The following SEL1L variants were observed in gnomAD, a reference collection of about 807,000 sequenced individuals.
The protein encoded by SEL1L is protein sel-1 homolog 1.
Under a neutral mutation model 109.8 loss-of-function variants are expected in SEL1L, and 52 were observed. The ratio of observed to expected loss-of-function variants is 0.47; its 90% CI spans 0.38 to 0.60. SEL1L has a LOEUF of 0.60. Among genes scored for constraint, SEL1L ranks in the 20% least tolerant of loss-of-function variants. The pLI is 0.00. For missense variants in SEL1L, 749 were observed against 962.2 expected (o/e 0.78, Z 2.93); for synonymous variants, 373 against 339.6 (o/e 1.10, Z -1.08).
At chr14:81,502,322 T>C (rs1884049075) in intron 6 of SEL1L, among the ~76,000 whole-genome samples, 1 of 152,186 alleles carries the variant, frequency 6.6e-6, no homozygotes, top group South Asian at 2.1e-4. Context: ...ATTTCTAGTT[T>C]CCTATAATGG....
rs2139969199 is a variant in SEL1L at position 81,472,645 on chromosome 14, C to G, written c.*4327G>C. ...ATATTATAATCAGGCTAAAGTGAAT[C>G]ACGCTTACTACATATCAAGGCTGCT... On this transcript the variant is annotated 3_prime_UTR_variant, in exon 21 of 21. Transcript: ENST00000336735. The G allele has an allele frequency of 2.3e-6, 1 of 437,630 alleles. No homozygotes were observed. Among genetic ancestry groups the G allele is most frequent in the South Asian group, 1.7e-5 (1 of 60,496 alleles). 27.1% of individuals were successfully genotyped at this position (437,630 alleles called of 1,614,324 possible).
At chr14:81,517,795 T>C (rs1181404080) in intron 3 of SEL1L, among the ~76,000 whole-genome samples, 3 of 152,216 alleles carry the variant, frequency 2.0e-5, no homozygotes, top group African/African-American at 7.2e-5. Context: ...AAAAAATGTT[T>C]AGTGGGACAC....
chr14:81,496,441 G>C (rs1883753339), intron 10 of SEL1L, among the ~76,000 whole-genome samples: 1 of 152,120 alleles, frequency 6.6e-6, no homozygotes, highest in Non-Finnish European at 1.5e-5. Flanking sequence ...GGGAGATACA[G>C]TAAGAAATAA....
chr14:81,533,349 G>A (rs999000978), intron 1 of SEL1L, among the ~76,000 whole-genome samples: 1 of 152,160 alleles, frequency 6.6e-6, no homozygotes, highest in African/African-American at 2.4e-5. Context: ...CTCTACCCCA[G>A]GGTCGAGGAA....
In SEL1L at chr14:81,477,303, A is replaced by ATGTGTGTGTGTGTGTGTGTG. The variant is rs10690579; in HGVS notation, c.2176-142_2176-123dup. 5.2e-5 allele frequency: 28 copies of ATGTGTGTGTGTGTGTGTGTG among 541,492 alleles called. 2 individuals carry two copies. The highest frequency in any genetic ancestry group is 1.2e-4 in the South Asian group (5 of 41,400). 33.5% of individuals were successfully genotyped at this position (541,492 alleles called of 1,614,324 possible). On this transcript the variant is annotated intron_variant, in intron 20 of 20. Transcript: ENST00000336735. ...TAATTTGTTTTAAAAACGTTTTGCA[A>ATGTGTGTGTGTGTGTGTGTG]TGTGTGTGTGTGTGTGTGTGTGTGT...
chr14:81,510,765 T>C (rs918741030), intron 3 of SEL1L, among the ~76,000 whole-genome samples: 5 of 152,138 alleles, frequency 3.3e-5, no homozygotes, highest in African/African-American at 1.2e-4. Context: ...GAGTACTAAG[T>C]AGCATATGAA....
At chr14:81,477,209 A>G in intron 20 of SEL1L, 28 bp from the exon 21 acceptor site, 1 of 1,552,586 alleles carries the variant, frequency 6.4e-7, no homozygotes. Flanking sequence ...AGAAACCATT[A>G]TTATCACTAA....
At chr14:81,477,302 A>ACT in intron 20 of SEL1L, 121 bp from the exon 21 acceptor site, 2 of 403,986 alleles carry the variant, frequency 5.0e-6, no homozygotes, top group African/African-American at 3.0e-5. Context: ...AACGTTTTGC[A>ACT]ATGTGTGTGT....
At chr14:81,531,757 G>C (rs1446397187) in intron 1 of SEL1L, among the ~76,000 whole-genome samples, 2 of 152,062 alleles carry the variant, frequency 1.3e-5, no homozygotes, top group Non-Finnish European at 2.9e-5. Context: ...TGCCCAGGTT[G>C]GTCTTGAACT....
chr14:81,475,958 G>C lies in SEL1L; in HGVS notation c.*1014C>G, dbSNP rs1438452559. 6.6e-6 allele frequency: 1 copy of C among 152,168 alleles called. No individual in the cohort carries two copies. The highest frequency in any genetic ancestry group is 1.9e-4 in the East Asian group (1 of 5,200). The allele number at this position is 152,168 out of a possible 1,614,324, so 9.4% of individuals were successfully genotyped here. A position where few individuals can be genotyped will look rare whatever the true frequency, so the allele number is the denominator to read the frequency against. Reference sequence around the variant, plus strand: ...TTTTAGTATTATAATAGTAGTCACTGTAAGCCATACCCTGGCAATGATATT... The same window carrying C: ...TTTTAGTATTATAATAGTAGTCACTCTAAGCCATACCCTGGCAATGATATT... On this transcript the variant is annotated 3_prime_UTR_variant, in exon 21 of 21. Coordinates refer to ENST00000336735, the MANE Select transcript of SEL1L (RefSeq NM_005065.6).
chr14:81,530,995 T>C (rs932654199), intron 1 of SEL1L, among the ~76,000 whole-genome samples: 1 of 152,224 alleles, frequency 6.6e-6, no homozygotes, highest in Non-Finnish European at 1.5e-5. Flanking sequence ...TTACAAAACA[T>C]ATACCTGTCT....
chr14:81,525,126 G>A (rs971304688), intron 3 of SEL1L, among the ~76,000 whole-genome samples: 1 of 151,884 alleles, frequency 6.6e-6, no homozygotes, highest in Non-Finnish European at 1.5e-5. Flanking sequence ...AAATATTCTA[G>A]GAAAGAAAAA....
chr14:81,481,264 A>T (rs1903347970), intron 19 of SEL1L, among the ~76,000 whole-genome samples: 1 of 152,146 alleles, frequency 6.6e-6, no homozygotes, highest in Non-Finnish European at 1.5e-5. Flanking sequence ...AGAATACCAA[A>T]CTCTTAAGAA....
At chr14:81,506,336 A>G in intron 3 of SEL1L, 95 bp from the exon 4 acceptor site, 1 of 1,065,168 alleles carries the variant, frequency 9.4e-7, no homozygotes, top group Non-Finnish European at 1.3e-6. Context: ...AATTTGAAGC[A>G]AAGATTCATG....
At chr14:81,533,648 C>G (rs777448219) in intron 1 of SEL1L, 27 bp downstream of exon 1, 1 of 1,607,324 alleles carries the variant, frequency 6.2e-7, no homozygotes, top group South Asian at 1.1e-5. Flanking sequence ...GGCTCTGGGC[C>G]TTCAGCCCGA....
chr14:81,527,544 A>G (rs1323917018), intron 2 of SEL1L, among the ~76,000 whole-genome samples, 157 bp downstream of exon 2: 2 of 152,128 alleles, frequency 1.3e-5, no homozygotes, highest in Non-Finnish European at 1.5e-5. Flanking sequence ...CTTCCTCCAG[A>G]AAAACTAGAA....
intron 15 of SEL1L, 69 bp downstream of exon 15, chr14:81,487,786 A>G (rs1903565824): frequency 1.3e-6 from 2 of 1,595,914 alleles, no homozygotes; most frequent in African/African-American, 1.3e-5. Flanking sequence ...CCACATCATA[A>G]TGCCATCTAG....
chr14:81,512,889 G>C (rs1266288421), intron 3 of SEL1L, among the ~76,000 whole-genome samples: 1 of 152,206 alleles, frequency 6.6e-6, no homozygotes, highest in Non-Finnish European at 1.5e-5. Context: ...CAGCAAGCCT[G>C]ACTAGTTATC....
chr14:81,526,151 T>C (rs1885104030), intron 3 of SEL1L, among the ~76,000 whole-genome samples: 1 of 152,294 alleles, frequency 6.6e-6, no homozygotes, highest in East Asian at 1.9e-4. Flanking sequence ...GTAGAATGCA[T>C]ACATTAATAA....
Sources: allele counts gnomAD v4.1 joint callset (sites outside exome capture counted in the v4.1 genomes callset), GRCh38; gene constraint gnomAD v4.1.1; transcripts MANE v1.5; gene names NCBI Gene and HGNC (gene_info 2026-07-23, HGNC 2026-07-21).